NHP2: variants seen among roughly 807,000 people sequenced by gnomAD.
NHP2 encodes the protein NHP2 ribonucleoprotein.
Under a neutral mutation model 16.7 loss-of-function variants are expected in NHP2, and 10 were observed. That is an observed-to-expected ratio of 0.60 (90% confidence interval 0.37 to 1.01). The LOEUF (loss-of-function observed/expected upper bound fraction) is 1.01, where lower values mean the gene tolerates loss of function less well. NHP2 is among the 50% of genes least tolerant of loss of function. NHP2 has a pLI of 0.01. For missense variants in NHP2, 184 were observed against 198.3 expected, an observed-to-expected ratio of 0.93 and a Z score of 0.43; for synonymous variants, 87 against 78.9, an observed-to-expected ratio of 1.10 and a Z score of -0.54.
chr5:178,150,384 ATTT>A (rs58292208), intron 3 of NHP2: 17 of 225,790 alleles, frequency 7.5e-5, no homozygotes, highest in South Asian at 1.6e-4. Context: ...CCCAGCCTCT[ATTT>A]TTTTTTTTTG....
rs572960228 is a variant in NHP2 at position 178,151,008 on chromosome 5, AAC to A, written c.231-17_231-16del. ...AAACCATGATCCTGAAATGAGAGAAAACACTGTCATCTCTGGCTTGCTCCTTC... is the reference window on the plus strand; with the variant it reads ...AAACCATGATCCTGAAATGAGAGAAAACTGTCATCTCTGGCTTGCTCCTTC... On this transcript the variant is annotated splice_polypyrimidine_tract_variant and intron_variant, in intron 2 of 3. Coordinates refer to ENST00000274606, the MANE Select transcript of NHP2 (RefSeq NM_017838.4). 2,258 of 1,593,072 alleles carry A rather than the reference AAC, an allele frequency of 1.4e-3. 5 individuals are homozygous for A. Among genetic ancestry groups the A allele is most frequent in the Non-Finnish European group, 1.6e-3 (1,819 of 1,161,842 alleles).
intron 2 of NHP2, 109 bp from the exon 3 acceptor site, chr5:178,151,102 A>G (rs1756267761): frequency 3.3e-6 from 3 of 909,434 alleles, no homozygotes; most frequent in South Asian, 2.6e-5. Context: ...GTGTTTGGTG[A>G]GCACACTATT....
rs762150542 is a variant in NHP2, at chr5:178,149,812, C to G, written c.363G>C (p.Lys121Asn). ...TGACCATTATCACACAGGTGGGGCG[C>G]TTGGAGCCTGCGGCTGCACCCAGGT... is the stretch of plus-strand genomic sequence containing the variant. Reference protein sequence around the residue: ...KTDLGAAAGSKRPTCVIMVKP... With the variant: ...KTDLGAAAGSNRPTCVIMVKP... The change falls in exon 4 of 4, where the codon AAG becomes AAC. Residue 121 changes from lysine (K) to asparagine (N), a missense_variant. Coordinates refer to ENST00000274606, the MANE Select transcript of NHP2 (RefSeq NM_017838.4). The G allele has an allele frequency of 6.2e-7, 1 of 1,613,820 alleles. No individual in the cohort carries two copies. Among genetic ancestry groups the G allele is most frequent in the Non-Finnish European group, 8.5e-7 (1 of 1,179,814 alleles).
rs141228530 is a variant in NHP2, at chr5:178,150,474, G to A, written c.336+414C>T. The A allele has an allele frequency of 1.4e-3, 500 of 357,004 alleles. 2 individuals are homozygous for A. The highest frequency in any genetic ancestry group is 9.9e-3 in the African/African-American group (463 of 46,850). The allele number at this position is 357,004 out of a possible 1,614,324, so 22.1% of individuals were successfully genotyped here. A position where few individuals can be genotyped will look rare whatever the true frequency, so the allele number is the denominator to read the frequency against. On this transcript the variant is annotated intron_variant, in intron 3 of 3. Coordinates refer to ENST00000274606, the MANE Select transcript of NHP2 (RefSeq NM_017838.4). Reference sequence around the variant, plus strand: ...TGGCTCACTGCAGCCTTGAACTCCTGGGTTCAAGTGATCTCCTGCTTTAGC... The same window carrying A: ...TGGCTCACTGCAGCCTTGAACTCCTAGGTTCAAGTGATCTCCTGCTTTAGC...
Position 178,153,700 on chromosome 5 carries a change from A to G in NHP2, c.118T>C (p.Ser40Pro), listed in dbSNP as rs1236863953. ...TAGAGCTTCCGCGTGAGGCGGCGAG[A>G]AGCCAGGGGCTGCGCGATGGGGTTC... ...NQNPIAQPLASRRLTRKLYKC... is the reference protein window; with the variant it reads ...NQNPIAQPLAPRRLTRKLYKC... Residue 40 changes from serine (S) to proline (P), a missense_variant, in exon 1 of 4, where the codon TCT becomes CCT. Transcript: ENST00000274606. 1 of 1,614,012 alleles carries G rather than the reference A, an allele frequency of 6.2e-7. No individual in the cohort carries two copies. The highest frequency in any genetic ancestry group is 8.5e-7 in the Non-Finnish European group (1 of 1,179,948).
Position 178,150,991 on chromosome 5 carries a change from A to C in NHP2, c.233T>G (p.Ile78Ser), listed in dbSNP as rs1348885486. 12 of 1,612,254 alleles carry C rather than the reference A, an allele frequency of 7.4e-6. No homozygotes were observed. Among genetic ancestry groups the C allele is most frequent in the Non-Finnish European group, 1.0e-5 (12 of 1,178,880 alleles). Residue 78 changes from isoleucine to serine, a missense_variant and splice_region_variant, in exon 3 of 4, where the codon ATC becomes AGC. By Grantham distance (142) the Ile-to-Ser change is moderately radical (BLOSUM62 -2). Transcript: ENST00000274606. ...QKFVNKGEKG[I>S]MVLAGDTLPI... is the part of the protein sequence containing the mutation. Reference sequence around the variant, plus strand: ...CAGTGTGTCTCCTGCCAAAACCATGATCCTGAAATGAGAGAAAACACTGTC... The same window carrying C: ...CAGTGTGTCTCCTGCCAAAACCATGCTCCTGAAATGAGAGAAAACACTGTC...
At chr5:178,153,227 G>A in intron 2 of NHP2, 1 of 548,742 alleles carries the variant, frequency 1.8e-6, no homozygotes, top group Non-Finnish European at 3.3e-6. Context: ...CGGGGAGGAG[G>A]GTCCCTGAAT....
At chr5:178,152,583 G>C (rs888913523) in intron 2 of NHP2, among the ~76,000 whole-genome samples, 2 of 152,240 alleles carry the variant, frequency 1.3e-5, no homozygotes, top group African/African-American at 2.4e-5. Flanking sequence ...TCTGGCCTGA[G>C]AGGGTGATAA....
intron 2 of NHP2, among the ~76,000 whole-genome samples, chr5:178,152,124 C>A (rs575074029): frequency 6.5e-4 from 99 of 152,180 alleles, no homozygotes; most frequent in Non-Finnish European, 1.2e-3. Flanking sequence ...CAGTAGTCTA[C>A]TACCTGAACT....
Position 178,153,571 on chromosome 5 carries a change from A to G in NHP2, c.161-11T>C. On this transcript the variant is annotated splice_polypyrimidine_tract_variant and intron_variant, in intron 1 of 3. Coordinates refer to ENST00000274606, the MANE Select transcript of NHP2 (RefSeq NM_017838.4). ...GCTTCTGCTTCACCGCTGCAACGAC[A>G]GAAGAGTCGGTCGGGGGCCTCGCTC... 6.2e-7 allele frequency: 1 copy of G among 1,614,130 alleles called. No individual in the cohort carries two copies. The highest frequency in any genetic ancestry group is 8.5e-7 in the Non-Finnish European group (1 of 1,179,942).
chr5:178,150,507 G>A (rs908328695), intron 3 of NHP2: 2 of 364,332 alleles, frequency 5.5e-6, no homozygotes, highest in East Asian at 1.4e-4. Flanking sequence ...AGCCTCCCAA[G>A]TGGCTGGGAC....
In NHP2 at chr5:178,149,668, C is replaced by T; in HGVS notation, c.*45G>A. The T allele has an allele frequency of 6.2e-7, 1 of 1,611,386 alleles. No individual in the cohort carries two copies. The highest frequency in any genetic ancestry group is 8.5e-7 in the Non-Finnish European group (1 of 1,179,356). Reference sequence around the variant, plus strand: ...GGACAGCCAGTCGTCCTGCTGCCAGCCCAATAGCTTCCAGCGGCAGGTGCC... The same window carrying T: ...GGACAGCCAGTCGTCCTGCTGCCAGTCCAATAGCTTCCAGCGGCAGGTGCC... On this transcript the variant is annotated 3_prime_UTR_variant, in exon 4 of 4. Coordinates refer to ENST00000274606, the MANE Select transcript of NHP2 (RefSeq NM_017838.4).
At chr5:178,151,079 TAG>T in intron 2 of NHP2, 86 bp from the exon 3 acceptor site, 1 of 1,154,408 alleles carries the variant, frequency 8.7e-7, no homozygotes, top group Non-Finnish European at 1.3e-6. Flanking sequence ...GTCTTAGGGA[TAG>T]AGACAAAATT....
chr5:178,149,864 T>C (rs749194693), intron 3 of NHP2, 26 bp from the exon 4 acceptor site: 25 of 1,611,288 alleles, frequency 1.6e-5, no homozygotes, highest in Admixed American at 8.4e-5. Flanking sequence ...AAGTGCTGTT[T>C]GGAAAAAAGC....
intron 2 of NHP2, among the ~76,000 whole-genome samples, chr5:178,151,376 G>T (rs1428409237): frequency 1.3e-5 from 2 of 152,186 alleles, no homozygotes; most frequent in Non-Finnish European, 2.9e-5. Flanking sequence ...AGACTGGCAG[G>T]GGACACCCCC....
chr5:178,149,856 G>C lies in NHP2; in HGVS notation c.337-18C>G. On this transcript the variant is annotated intron_variant, in intron 3 of 3. Transcript: ENST00000274606. ...CCCAGGTCCTACAGAGGGGAAAGAA[G>C]TGCTGTTTGGAAAAAAGCTGTACAA... 2 of 1,612,538 alleles carry C rather than the reference G, an allele frequency of 1.2e-6. No homozygotes were observed. The highest frequency in any genetic ancestry group is 1.7e-6 in the Non-Finnish European group (2 of 1,179,138).
At chr5:178,150,803 G>T (rs1756256231) in intron 3 of NHP2, 85 bp downstream of exon 3, 1 of 897,344 alleles carries the variant, frequency 1.1e-6, no homozygotes, top group African/African-American at 1.6e-5. Context: ...CAACACTCCT[G>T]GCTCTTTCCC....
chr5:178,149,547 A>C lies in NHP2; in HGVS notation c.*166T>G. On this transcript the variant is annotated 3_prime_UTR_variant, in exon 4 of 4. Transcript: ENST00000274606. ...AGGAAATGGCACTGATGGACAGAAG[A>C]CTAGCATTACCTTCATGAAAGGGCT... is the stretch of plus-strand genomic sequence containing the variant. 2 of 736,740 alleles carry C rather than the reference A, an allele frequency of 2.7e-6. No individual in the cohort carries two copies. Among genetic ancestry groups the C allele is most frequent in the Non-Finnish European group, 4.5e-6 (2 of 444,076 alleles). The allele number at this position is 736,740 out of a possible 1,614,324, so 45.6% of individuals were successfully genotyped here. A position where few individuals can be genotyped will look rare whatever the true frequency, so the allele number is the denominator to read the frequency against.
At chr5:178,152,371 C>T (rs937059616) in intron 2 of NHP2, among the ~76,000 whole-genome samples, 2 of 151,076 alleles carry the variant, frequency 1.3e-5, no homozygotes, top group Non-Finnish European at 3.0e-5. Context: ...AGAATCCTCC[C>T]ACCCACCCCC....
Sources: allele counts gnomAD v4.1 joint callset (sites outside exome capture counted in the v4.1 genomes callset), GRCh38; gene constraint gnomAD v4.1.1; transcripts MANE v1.5; gene names NCBI Gene and HGNC (gene_info 2026-07-23, HGNC 2026-07-21).